CLYBL: variants seen among roughly 807,000 people sequenced by gnomAD.
CLYBL encodes citramalyl-CoA lyase, also known as citramalyl-CoA lyase, mitochondrial.
In CLYBL, 31 loss-of-function variants were observed where a neutral mutation model predicts 38.9. The observed-to-expected ratio is 0.80, with a 90% confidence interval of 0.60 to 1.08. The LOEUF (loss-of-function observed/expected upper bound fraction) is 1.08. CLYBL is among the 50% of genes least tolerant of loss of function. The pLI, the probability that CLYBL is intolerant of heterozygous loss-of-function variation, is 0.00. For missense variants in CLYBL, 434 were observed against 411.6 expected, an observed-to-expected ratio of 1.05 and a Z score of -0.47; for synonymous variants, 171 against 158.6, an observed-to-expected ratio of 1.08 and a Z score of -0.59.
At chr13:99,856,715 T>G (rs565657664) in intron 2 of CLYBL, among the ~76,000 whole-genome samples, 1 of 152,220 alleles carries the variant, frequency 6.6e-6, no homozygotes, top group African/African-American at 2.4e-5. Context: ...CTCGGCTCAC[T>G]GCAACCTCTA....
At chr13:99,645,567 G>T (rs2047165748) in intron 1 of CLYBL, among the ~76,000 whole-genome samples, 1 of 150,160 alleles carries the variant, frequency 6.7e-6, no homozygotes. Flanking sequence ...TTGCATTTCT[G>T]TGGTGATCAG....
intron 8 of CLYBL, among the ~76,000 whole-genome samples, chr13:99,903,936 T>A (rs2052667749): frequency 6.6e-6 from 1 of 152,006 alleles, no homozygotes; most frequent in Non-Finnish European, 1.5e-5. Context: ...TCCCAGCTAC[T>A]CAGGAGGCTG....
chr13:99,813,481 A>G (rs1036819155), intron 2 of CLYBL, among the ~76,000 whole-genome samples: 4 of 152,178 alleles, frequency 2.6e-5, no homozygotes, highest in African/African-American at 7.2e-5. Context: ...TGGTACTGCA[A>G]TCTTCAGTGT....
At chr13:99,658,188 C>A (rs1203177687) in intron 1 of CLYBL, among the ~76,000 whole-genome samples, 1 of 152,246 alleles carries the variant, frequency 6.6e-6, no homozygotes, top group African/African-American at 2.4e-5. Context: ...CATAAGGGGC[C>A]GCCGGCAGGG....
At chr13:99,748,923 A>G (rs2048905516) in intron 1 of CLYBL, among the ~76,000 whole-genome samples, 1 of 152,154 alleles carries the variant, frequency 6.6e-6, no homozygotes, top group Admixed American at 6.5e-5. Flanking sequence ...GGTCGCCTGT[A>G]ATCCCAACAC....
chr13:99,767,891 C>G (rs2049299333), intron 1 of CLYBL, among the ~76,000 whole-genome samples: 1 of 152,180 alleles, frequency 6.6e-6, no homozygotes, highest in Non-Finnish European at 1.5e-5. Flanking sequence ...CTTTGAGCAT[C>G]TTTAAGACAG....
chr13:99,760,125 A>G (rs7995431), intron 1 of CLYBL, among the ~76,000 whole-genome samples: 25,519 of 152,166 alleles, frequency 0.17, 2,716 homozygotes, highest in East Asian at 0.37. Context: ...TGTTCATAGT[A>G]CTGTCTTATG....
intron 2 of CLYBL, among the ~76,000 whole-genome samples, chr13:99,794,893 A>G (rs1387281302): frequency 6.6e-6 from 1 of 152,136 alleles, no homozygotes; most frequent in East Asian, 1.9e-4. Context: ...CACCCAGGCT[A>G]AATACTATGT....
chr13:99,865,990 A>AG lies in CLYBL; in HGVS notation c.635-246dup, dbSNP rs2051732400. Among the ~76,000 whole-genome samples the AG allele has an allele frequency of 6.6e-6, 1 of 152,206 alleles. No individual in the cohort carries two copies. Among genetic ancestry groups the AG allele is most frequent in the African/African-American group, 2.4e-5 (1 of 41,466 alleles). On this transcript the variant is annotated intron_variant, in intron 5 of 8. Coordinates refer to ENST00000339105, the MANE Select transcript of CLYBL (RefSeq NM_206808.5). This position sits in a 1 kb window ranked among gnomAD's most constrained non-coding sequence, Gnocchi z 4.7. ...CTGACCCAGCCTCCCAGAATGGGGA[A>AG]GGGGCCTTCTCTTAATGCAGGTAGA... is the stretch of plus-strand genomic sequence containing the variant.
At chr13:99,897,171 C>T (rs1484522379), downstream of CLYBL, 2 of 152,280 alleles carry the variant, frequency 1.3e-5, no homozygotes, top group Non-Finnish European at 2.9e-5. Flanking sequence ...CATCTTTCAT[C>T]TCCCTCTCCC....
chr13:99,866,907 C>T (rs956856480), intron 6 of CLYBL, among the ~76,000 whole-genome samples: 3 of 152,134 alleles, frequency 2.0e-5, no homozygotes, highest in African/African-American at 7.2e-5. Context: ...CTCTCTCCCA[C>T]CTCCCAGTAA....
At chr13:99,857,069 C>G (rs946336786) in intron 2 of CLYBL, among the ~76,000 whole-genome samples, 12 of 151,654 alleles carry the variant, frequency 7.9e-5, no homozygotes, top group African/African-American at 2.2e-4. Flanking sequence ...AATCCCAGCA[C>G]TTTGGGAGGC....
At chr13:99,727,033 C>T (rs2048486869) in intron 1 of CLYBL, among the ~76,000 whole-genome samples, 1 of 152,016 alleles carries the variant, frequency 6.6e-6, no homozygotes, top group Non-Finnish European at 1.5e-5. Flanking sequence ...GTGTCACACG[C>T]CTGAAATCCC....
intron 1 of CLYBL, among the ~76,000 whole-genome samples, chr13:99,663,558 G>A (rs748725528): frequency 7.9e-5 from 12 of 152,154 alleles, no homozygotes; most frequent in Non-Finnish European, 1.6e-4. Flanking sequence ...TGGAGTTCGG[G>A]ACATGCCTTG....
At chr13:99,707,199 T>C (rs1417050133) in intron 1 of CLYBL, among the ~76,000 whole-genome samples, 1 of 152,210 alleles carries the variant, frequency 6.6e-6, no homozygotes, top group South Asian at 2.1e-4. Context: ...TTCTTTAGAC[T>C]TTTTTCTTCC....
Position 99,865,956 on chromosome 13 carries a change from C to T in CLYBL, c.635-284C>T, listed in dbSNP as rs1248747935. On this transcript the variant is annotated intron_variant, in intron 5 of 8. Coordinates refer to ENST00000339105, the MANE Select transcript of CLYBL (RefSeq NM_206808.5). The surrounding 1 kb of genome is among the most constrained non-coding windows in gnomAD (Gnocchi z 4.7). Reference sequence around the variant, plus strand: ...AAGGAAAAAAATATATCAGGAGTCCCTTGCGACCCTGACCCAGCCTCCCAG... The same window carrying T: ...AAGGAAAAAAATATATCAGGAGTCCTTTGCGACCCTGACCCAGCCTCCCAG... Among the ~76,000 whole-genome samples, 1 of 152,184 alleles carries T rather than the reference C, an allele frequency of 6.6e-6. No individual in the cohort carries two copies. Among genetic ancestry groups the T allele is most frequent in the African/African-American group, 2.4e-5 (1 of 41,454 alleles).
chr13:99,637,612 G>T (rs1367685099), intron 1 of CLYBL, among the ~76,000 whole-genome samples: 1 of 152,152 alleles, frequency 6.6e-6, no homozygotes, highest in Admixed American at 6.5e-5. Flanking sequence ...AATAAAAAAG[G>T]CCAGGTGCTG....
intron 1 of CLYBL, among the ~76,000 whole-genome samples, chr13:99,654,928 C>A (rs1385992331): frequency 6.6e-6 from 1 of 151,902 alleles, no homozygotes; most frequent in African/African-American, 2.4e-5. Flanking sequence ...TTGCTTGAAC[C>A]CGGGAGGCAG....
At chr13:99,850,002 A>C (rs1418788390) in intron 2 of CLYBL, among the ~76,000 whole-genome samples, 1 of 152,232 alleles carries the variant, frequency 6.6e-6, no homozygotes, top group Admixed American at 6.5e-5. Context: ...TATACTCAAA[A>C]TGTATTAAAG....
Sources: gnomAD v4.1 joint callset for allele counts (sites outside exome capture counted in the v4.1 genomes callset) on GRCh38, gnomAD v4.1.1 for gene constraint, Gnocchi (gnomAD v3.1) non-coding constraint, MANE v1.5 for transcripts, NCBI Gene and HGNC (gene_info 2026-07-23, HGNC 2026-07-21) for gene names.